The following ARHGAP12 variants were observed in gnomAD, a reference collection of about 807,000 sequenced individuals.
ARHGAP12 encodes the protein rho GTPase-activating protein 12.
Under a neutral mutation model 108.6 loss-of-function variants are expected in ARHGAP12, and 64 were observed. The ratio of observed to expected loss-of-function variants is 0.59; its 90% confidence interval spans 0.48 to 0.73. ARHGAP12 has a LOEUF of 0.73. Among genes scored for constraint, ARHGAP12 ranks in the 30% least tolerant of loss-of-function variants. The pLI is 0.00. For synonymous variants in ARHGAP12, 312 were observed against 337.2 expected, an observed-to-expected ratio of 0.93 and a Z score of 0.82; for missense variants, 940 against 1,005.9, an observed-to-expected ratio of 0.93 and a Z score of 0.89.
intron 8 of ARHGAP12, 69 bp downstream of exon 8, chr10:31,839,568 T>G: frequency 7.2e-7 from 1 of 1,384,392 alleles, no homozygotes; most frequent in Admixed American, 2.1e-5. Flanking sequence ...ACATTAAGAG[T>G]AAATTAACTT....
chr10:31,853,336 T>C (rs979519345), intron 5 of ARHGAP12, among the ~76,000 whole-genome samples: 2 of 152,164 alleles, frequency 1.3e-5, no homozygotes, highest in East Asian at 1.9e-4. Flanking sequence ...TTACTTCCTA[T>C]GGCCAAACAC....
At chr10:31,820,832 C>T (rs11008664) in intron 11 of ARHGAP12, among the ~76,000 whole-genome samples, 7,648 of 151,086 alleles carry the variant, frequency 0.051, 645 homozygotes, top group African/African-American at 0.17. Context: ...GCCTCATATG[C>T]AAGTGGGATA....
At chr10:31,923,305 G>A (rs1378579246) in intron 1 of ARHGAP12, among the ~76,000 whole-genome samples, 1 of 152,138 alleles carries the variant, frequency 6.6e-6, no homozygotes, top group Non-Finnish European at 1.5e-5. Context: ...GGCTAAGTCA[G>A]GTCATACCAG....
intron 3 of ARHGAP12, among the ~76,000 whole-genome samples, chr10:31,862,101 T>G (rs1460947768): frequency 1.3e-5 from 2 of 152,240 alleles, no homozygotes; most frequent in African/African-American, 4.8e-5. Flanking sequence ...AAGTTTTACA[T>G]ATGAGTAGCA....
chr10:31,927,059 G>A (rs1004762454), intron 1 of ARHGAP12, among the ~76,000 whole-genome samples: 3 of 152,266 alleles, frequency 2.0e-5, no homozygotes, highest in Non-Finnish European at 2.9e-5. Flanking sequence ...CACTTCTGGG[G>A]TTTCTTTTTC....
chr10:31,879,727 A>C (rs1236548169), intron 3 of ARHGAP12, among the ~76,000 whole-genome samples: 1 of 152,224 alleles, frequency 6.6e-6, no homozygotes, highest in Non-Finnish European at 1.5e-5. Flanking sequence ...AATACTATAT[A>C]GTCTATCAGG....
intron 1 of ARHGAP12, among the ~76,000 whole-genome samples, chr10:31,923,042 G>T (rs1262406443): frequency 6.7e-6 from 1 of 148,838 alleles, no homozygotes; most frequent in African/African-American, 2.5e-5. Flanking sequence ...AAAGTGGGAA[G>T]CCTGTTTGAG....
chr10:31,831,625 AC>A, intron 10 of ARHGAP12, 113 bp downstream of exon 10: 2 of 629,414 alleles, frequency 3.2e-6, no homozygotes, highest in African/African-American at 3.8e-5. Context: ...TACATAGAAA[AC>A]AAATGGTGAG....
At chr10:31,874,989 AAAAAAAAAAAAAAT>A (rs1356920612) in intron 3 of ARHGAP12, among the ~76,000 whole-genome samples, 1 of 149,516 alleles carries the variant, frequency 6.7e-6, no homozygotes, top group African/African-American at 2.4e-5. Context: ...AAAAAAAAAA[AAAAAAAAAAAAAAT>A]TTTCACACAC....
At chr10:31,902,576 T>C (rs1281903176) in intron 3 of ARHGAP12, among the ~76,000 whole-genome samples, 1 of 151,434 alleles carries the variant, frequency 6.6e-6, no homozygotes, top group African/African-American at 2.4e-5. Context: ...CTCACGAGGC[T>C]GAGAAGATCA....
At chr10:31,926,189 T>C (rs1224443017) in intron 1 of ARHGAP12, among the ~76,000 whole-genome samples, 2 of 152,212 alleles carry the variant, frequency 1.3e-5, no homozygotes, top group Non-Finnish European at 2.9e-5. Flanking sequence ...CTACACCATT[T>C]GGCAGTTCAG....
chr10:31,826,337 A>C lies in ARHGAP12; in HGVS notation c.1497T>G (p.Leu499=), dbSNP rs1297590607. The C allele has an allele frequency of 6.2e-7, 1 of 1,612,940 alleles. No homozygotes were observed. Among genetic ancestry groups the C allele is most frequent in the Non-Finnish European group, 8.5e-7 (1 of 1,179,438 alleles). Residue 499 remains leucine (L), a synonymous_variant, in exon 11 of 20, where the codon CTT becomes CTG. Transcript: ENST00000344936. Reference sequence around the variant, plus strand: ...TGCTACTTCCTTGAGTTTTGGTAAAAAGTAAAGATGAACCCTGCAACACCG... The same window carrying C: ...TGCTACTTCCTTGAGTTTTGGTAAACAGTAAAGATGAACCCTGCAACACCG... The part of the protein sequence containing the change: ...SWAVLQGSSL[L]FTKTQGSSTS...
intron 6 of ARHGAP12, among the ~76,000 whole-genome samples, chr10:31,845,351 T>C (rs1836414728): frequency 1.3e-5 from 2 of 152,232 alleles, no homozygotes; most frequent in Non-Finnish European, 2.9e-5. Context: ...CTTTTCTTAA[T>C]TGTTGAATAG....
chr10:31,877,308 A>C (rs1172742946), intron 3 of ARHGAP12, among the ~76,000 whole-genome samples: 1 of 152,228 alleles, frequency 6.6e-6, no homozygotes, highest in Non-Finnish European at 1.5e-5. Flanking sequence ...TAGTAAATAC[A>C]CTAACATAAA....
At chr10:31,818,881 T>A (rs1002462995) in intron 12 of ARHGAP12, among the ~76,000 whole-genome samples, 2 of 152,268 alleles carry the variant, frequency 1.3e-5, no homozygotes, top group East Asian at 3.9e-4. Flanking sequence ...CCATTTTTAT[T>A]CTTGATTTAC....
chr10:31,910,828 A>T (rs1839311981), intron 1 of ARHGAP12, among the ~76,000 whole-genome samples: 1 of 152,128 alleles, frequency 6.6e-6, no homozygotes, highest in South Asian at 2.1e-4. Context: ...CCTTATTTTT[A>T]ATTCTGACAA....
At position 31,826,305 on chromosome 10, in the gene ARHGAP12, C is replaced by A. The variant is rs1413382744; in HGVS notation, c.1529G>T (p.Trp510Leu). ...TCTCCAAAGAGAAGAAATACTTACC[C>A]AACTTGTGCTACTTCCTTGAGTTTT... ...FTKTQGSSTS[W>L]FGSNQSKPEF... The change falls in exon 11 of 20, where the codon TGG becomes TTG. Residue 510 changes from tryptophan to leucine, a missense_variant and splice_region_variant. Trp to Leu is a moderately conservative substitution (Grantham distance 61). Coordinates refer to ENST00000344936, the MANE Select transcript of ARHGAP12 (RefSeq NM_018287.7). 1.9e-6 allele frequency: 3 copies of A among 1,605,266 alleles called. No individual in the cohort carries two copies. Among genetic ancestry groups the A allele is most frequent in the Non-Finnish European group, 2.6e-6 (3 of 1,175,210 alleles).
At chr10:31,861,894 A>T (rs992564841) in intron 3 of ARHGAP12, among the ~76,000 whole-genome samples, 1 of 152,226 alleles carries the variant, frequency 6.6e-6, no homozygotes, top group African/African-American at 2.4e-5. Context: ...TACCTGAAAC[A>T]GTGTGATGGA....
chr10:31,870,474 C>T (rs1187503110), intron 3 of ARHGAP12, among the ~76,000 whole-genome samples: 1 of 152,126 alleles, frequency 6.6e-6, no homozygotes, highest in African/African-American at 2.4e-5. Flanking sequence ...AGATGATCCA[C>T]CCGCCTCAGC....
Sources: gnomAD v4.1 joint callset for allele counts (sites outside exome capture counted in the v4.1 genomes callset) on GRCh38, gnomAD v4.1.1 for gene constraint, MANE v1.5 for transcripts, NCBI Gene and HGNC (gene_info 2026-07-23, HGNC 2026-07-21) for gene names.